The following IL17RE variants were observed in gnomAD, a reference collection of about 807,000 sequenced individuals.
The protein encoded by IL17RE is interleukin 17 receptor E.
Under a neutral mutation model 70.7 loss-of-function variants are expected in IL17RE, and 47 were observed. The observed-to-expected ratio is 0.67, with a 90% CI of 0.53 to 0.85. IL17RE has a LOEUF of 0.85. Ranked by LOEUF, IL17RE falls within the 40% of genes least tolerant of loss-of-function variation. The pLI, the probability that IL17RE is intolerant of heterozygous loss-of-function variation, is 0.00. For missense variants in IL17RE, 850 were observed against 893.9 expected (o/e 0.95, Z 0.63); for synonymous variants, 372 against 381.2 (o/e 0.98, Z 0.28).
chr3:9,907,061 A>C lies in IL17RE; in HGVS notation c.627A>C (p.Ala209=). 1 of 1,614,160 alleles carries C rather than the reference A, an allele frequency of 6.2e-7. No individual in the cohort carries two copies. Among genetic ancestry groups the C allele is most frequent in the Non-Finnish European group, 8.5e-7 (1 of 1,180,028 alleles). The part of the protein sequence containing the change: ...EVSVRLCHQW[A]LECEELSSPY... ...GCGTGCGTCTTTGTCACCAGTGGGC[A>C]CTGGAGTGTGAAGAGCTGAGCAGTC... The change falls in exon 6 of 16, where the codon GCA becomes GCC. Residue 209 remains alanine, a synonymous_variant. Coordinates refer to ENST00000383814, the MANE Select transcript of IL17RE (RefSeq NM_153480.2).
rs553558913 is a variant in IL17RE, at chr3:9,906,992, G to A, written c.558G>A (p.Glu186=). 3.1e-6 allele frequency: 5 copies of A among 1,614,180 alleles called. No individual in the cohort carries two copies. The highest frequency in any genetic ancestry group is 2.7e-5 in the African/African-American group (2 of 75,042). Residue 186 remains glutamate, a synonymous_variant, in exon 6 of 16, where the codon GAG becomes GAA. Transcript: ENST00000383814. ...AGTTCTCCTTTGATTTGCTGCCTGA[G>A]GCCCGGGCTATTCGGGTGACCATAT... is the stretch of plus-strand genomic sequence containing the variant. ...GPEFSFDLLP[E]ARAIRVTISS...
In IL17RE at chr3:9,915,858, C is replaced by A; in HGVS notation, c.*51C>A. 1 of 1,445,934 alleles carries A rather than the reference C, an allele frequency of 6.9e-7. No individual in the cohort carries two copies. The highest frequency in any genetic ancestry group is 1.4e-5 in the South Asian group (1 of 69,794). The allele number at this position is 1,445,934 out of a possible 1,614,324, so 89.6% of individuals were successfully genotyped here. A position where few individuals can be genotyped will look rare whatever the true frequency, so the allele number is the denominator to read the frequency against. The stretch of plus-strand genomic sequence containing the variant: ...GTCTGCGGCCGCAACGCAACGGACA[C>A]TGGCTGGAACCCCGGAATGAGCCTT... On this transcript the variant is annotated 3_prime_UTR_variant, in exon 16 of 16. Coordinates refer to ENST00000383814, the MANE Select transcript of IL17RE (RefSeq NM_153480.2). This position sits in a 1 kb window ranked among gnomAD's most constrained non-coding sequence, Gnocchi z 4.9.
chr3:9,914,430 C>T (rs764672111), intron 13 of IL17RE, 118 bp from the exon 14 acceptor site: 3 of 1,534,350 alleles, frequency 2.0e-6, no homozygotes, highest in East Asian at 4.5e-5. Flanking sequence ...CACAAACCCA[C>T]CTGGGAAGAA....
rs200160526 is a variant in IL17RE, at chr3:9,913,959, C to G, written c.1231C>G (p.Arg411Gly). The change falls in exon 13 of 16, where the codon CGG becomes GGG. Residue 411 changes from arginine to glycine, a missense_variant. Arg to Gly is a moderately radical substitution (Grantham distance 125). Coordinates refer to ENST00000383814, the MANE Select transcript of IL17RE (RefSeq NM_153480.2). ...VPPVYTVSQARGSSPVSLDLI... is the reference protein window; with the variant it reads ...VPPVYTVSQAGGSSPVSLDLI... The stretch of plus-strand genomic sequence containing the variant: ...TTTCTGCTCTTTGTTTCTACAGGCC[C>G]GGGGCTCAAGCCCAGTGTCACTAGA... 17 of 1,613,862 alleles carry G rather than the reference C, an allele frequency of 1.1e-5. No homozygotes were observed. The East Asian group carries it at 3.3e-4, about 32-fold the overall frequency.
intron 8 of IL17RE, 92 bp downstream of exon 8, chr3:9,909,375 C>T (rs552375878): frequency 2.9e-6 from 3 of 1,023,848 alleles, no homozygotes; most frequent in South Asian, 2.8e-5. Context: ...ACACACACAC[C>T]CCGCACTTCA....
rs766563556 is a variant in IL17RE, at chr3:9,906,321, G to A, written c.269-43G>A. 3 of 1,118,288 alleles carry A rather than the reference G, an allele frequency of 2.7e-6. No individual in the cohort carries two copies. In the South Asian group the frequency reaches 3.8e-5, roughly 14 times the overall value. The allele number at this position is 1,118,288 out of a possible 1,614,324, so 69.3% of individuals were successfully genotyped here. Reference sequence around the variant, plus strand: ...TGGGCCACATCTCCAGGCAGGGGAGGGGGTAATGAGGGCTAGATAGTAAGT... The same window carrying A: ...TGGGCCACATCTCCAGGCAGGGGAGAGGGTAATGAGGGCTAGATAGTAAGT... On this transcript the variant is annotated intron_variant, in intron 3 of 15. Transcript: ENST00000383814.
chr3:9,912,982 G>T (rs1234592151), intron 12 of IL17RE, among the ~76,000 whole-genome samples: 1 of 152,170 alleles, frequency 6.6e-6, no homozygotes, highest in Non-Finnish European at 1.5e-5. Context: ...GGAGTTCATA[G>T]ACTAATAATA....
At chr3:9,902,713 T>G (rs551914509), upstream of IL17RE, 83 of 1,535,136 alleles carry the variant, frequency 5.4e-5, 3 homozygotes, top group South Asian at 7.1e-4. Flanking sequence ...GTAGGGTTTT[T>G]GGGGGCACAA....
intron 7 of IL17RE, 37 bp downstream of exon 7, chr3:9,908,344 T>C (rs774088749): frequency 1.3e-6 from 2 of 1,574,910 alleles, no homozygotes; most frequent in Admixed American, 3.3e-5. Flanking sequence ...TCCATGGCTC[T>C]GCTCCTAAGC....
intron 8 of IL17RE, 57 bp downstream of exon 8, chr3:9,909,340 C>T: frequency 7.2e-7 from 1 of 1,393,594 alleles, no homozygotes; most frequent in Non-Finnish European, 1.0e-6. Context: ...CTTTCTGTCT[C>T]CTACACACAC....
At chr3:9,908,029 C>A (rs754579358) in intron 6 of IL17RE, among the ~76,000 whole-genome samples, 1 of 152,178 alleles carries the variant, frequency 6.6e-6, no homozygotes. Flanking sequence ...TTCCCTGTCT[C>A]CTTCCCCCCA....
At chr3:9,904,408 C>G (rs531387013) in intron 3 of IL17RE, among the ~76,000 whole-genome samples, 7 of 152,260 alleles carry the variant, frequency 4.6e-5, no homozygotes, top group African/African-American at 1.7e-4. Flanking sequence ...ATTTGTAGAG[C>G]AGGATCTTCT....
chr3:9,908,808 G>A (rs1176523088), intron 7 of IL17RE, among the ~76,000 whole-genome samples: 1 of 152,202 alleles, frequency 6.6e-6, no homozygotes, highest in Non-Finnish European at 1.5e-5. Context: ...GGAGGATGAT[G>A]GCAGAGACCT....
chr3:9,915,483 C>T lies in IL17RE; in HGVS notation c.1680C>T (p.Ser560=), dbSNP rs757809707. Residue 560 remains serine (S), a synonymous_variant, in exon 16 of 16, where the codon AGC becomes AGT. Coordinates refer to ENST00000383814, the MANE Select transcript of IL17RE (RefSeq NM_153480.2). This position sits in a 1 kb window ranked among gnomAD's most constrained non-coding sequence, Gnocchi z 4.9. ...REQGTVLLLW[S]GADLRPVSGP... ...AGGGCACTGTGCTGCTGCTGTGGAGCGGCGCCGACCTTCGCCCGGTCAGCG... is the reference window on the plus strand; with the variant it reads ...AGGGCACTGTGCTGCTGCTGTGGAGTGGCGCCGACCTTCGCCCGGTCAGCG... 324 of 1,316,558 alleles carry T rather than the reference C, an allele frequency of 2.5e-4. No individual in the cohort carries two copies. Among genetic ancestry groups the T allele is most frequent in the Non-Finnish European group, 2.9e-4 (302 of 1,041,492 alleles). 81.6% of individuals were successfully genotyped at this position (1,316,558 alleles called of 1,614,324 possible).
Position 9,911,287 on chromosome 3 carries a change from C to A in IL17RE, c.1059C>A (p.Cys353Ter), listed in dbSNP as rs906231425. 5 of 1,614,034 alleles carry A rather than the reference C, an allele frequency of 3.1e-6. No individual in the cohort carries two copies. The highest frequency in any genetic ancestry group is 4.2e-6 in the Non-Finnish European group (5 of 1,180,014). Residue 353 changes from cysteine (C) to a stop codon, truncating the protein, a stop_gained, in exon 11 of 16, where the codon TGC (cysteine) becomes TGA (stop). Coordinates refer to ENST00000383814, the MANE Select transcript of IL17RE (RefSeq NM_153480.2). LOFTEE classifies it high-confidence loss of function. ...TTGGAAACAGCAGCCATGTTGAATG[C>A]CCCCACCAGACTGGTGAGTCAATAA... ...FSFGNSSHVE[C>*]PHQTGSLTSW...
chr3:9,903,063 CGGTAA>C lies in IL17RE; in HGVS notation c.132+3_132+7del. ...ACCCGCTGTCCTCTGGCCTCCCACA[CGGTAA>C]GGTGCTGCTGCCAGGTAGGGACACC... On this transcript the variant is annotated splice_donor_variant and splice_donor_region_variant and coding_sequence_variant and intron_variant, in exon 1 of 16. Coordinates refer to ENST00000383814, the MANE Select transcript of IL17RE (RefSeq NM_153480.2). LOFTEE classifies it high-confidence loss of function. The C allele has an allele frequency of 3.7e-6, 6 of 1,613,098 alleles. No individual in the cohort carries two copies. Among genetic ancestry groups the C allele is most frequent in the Non-Finnish European group, 5.1e-6 (6 of 1,179,122 alleles).
chr3:9,909,440 G>A, intron 8 of IL17RE, 157 bp downstream of exon 8: 1 of 692,810 alleles, frequency 1.4e-6, no homozygotes, highest in Non-Finnish European at 2.5e-6. Context: ...CCTGGAGTCA[G>A]TGGGGGGAAA....
chr3:9,903,474 C>G (rs1024039833), intron 2 of IL17RE, 62 bp downstream of exon 2: 16 of 1,565,076 alleles, frequency 1.0e-5, no homozygotes, highest in East Asian at 2.2e-5. Flanking sequence ...AGATGCCTAG[C>G]AAGCCCTCCA....
At position 9,910,922 on chromosome 3, in the gene IL17RE, T is replaced by G. The variant is rs749173765; in HGVS notation, c.860T>G (p.Met287Arg). 1 of 1,614,138 alleles carries G rather than the reference T, an allele frequency of 6.2e-7. No homozygotes were observed. The highest frequency in any genetic ancestry group is 8.5e-7 in the Non-Finnish European group (1 of 1,180,008). ...HFTDYSQHTQ[M>R]VMALTLRCPL... Reference sequence around the variant, plus strand: ...ACTGACTACAGCCAGCACACTCAGATGGTCATGGCCCTGACACTCCGCTGC... The same window carrying G: ...ACTGACTACAGCCAGCACACTCAGAGGGTCATGGCCCTGACACTCCGCTGC... The change falls in exon 9 of 16, where the codon ATG becomes AGG. Residue 287 changes from methionine (M) to arginine (R), a missense_variant. Physicochemically the swap from Met to Arg is moderately conservative, Grantham distance 91. Coordinates refer to ENST00000383814, the MANE Select transcript of IL17RE (RefSeq NM_153480.2).
Sources: gnomAD v4.1 joint callset for allele counts (sites outside exome capture counted in the v4.1 genomes callset) on GRCh38, gnomAD v4.1.1 for gene constraint, Gnocchi (gnomAD v3.1) non-coding constraint, MANE v1.5 for transcripts, NCBI Gene and HGNC (gene_info 2026-07-23, HGNC 2026-07-21) for gene names.